The following DRC11 variants were observed in gnomAD, a reference collection of about 807,000 sequenced individuals.
The protein encoded by DRC11 is IQ and AAA domain-containing protein 1.
the DRC11 span, among the ~76,000 whole-genome samples, chr2:236,447,903 G>A: frequency 2.0e-5 from 3 of 152,046 alleles, 1 homozygote; most frequent in South Asian, 6.2e-4. This position sits in a 1 kb window ranked among gnomAD's most constrained non-coding sequence, Gnocchi z 4.6. Context: ...GGGGAGGGTG[G>A]ATTCAGGAAT....
chr2:236,421,178 A>C, the DRC11 span, among the ~76,000 whole-genome samples: 1 of 152,232 alleles, frequency 6.6e-6, no homozygotes, highest in African/African-American at 2.4e-5. Context: ...ACACATTCAA[A>C]AGCTAGCAGC....
the DRC11 span, among the ~76,000 whole-genome samples, chr2:236,377,417 G>C: frequency 1.3e-5 from 2 of 152,114 alleles, no homozygotes; most frequent in Non-Finnish European, 2.9e-5. The surrounding 1 kb of genome is among the most constrained non-coding windows in gnomAD (Gnocchi z 4.9). Flanking sequence ...CCATTAATAA[G>C]AACGATATCT....
At chr2:236,331,514 C>T in the DRC11 span, 8 of 1,613,806 alleles carry the variant, frequency 5.0e-6, no homozygotes, top group South Asian at 3.3e-5. The surrounding 1 kb of genome is among the most constrained non-coding windows in gnomAD (Gnocchi z 4.8). Context: ...TGGGTGAAGC[C>T]GTCAGTGACC....
the DRC11 span, chr2:236,338,177 T>C: frequency 1.2e-6 from 2 of 1,605,070 alleles, no homozygotes; most frequent in African/African-American, 1.3e-5. Context: ...TCAGCTATCA[T>C]GCATGGGAAG....
At chr2:236,342,621 C>T in the DRC11 span, among the ~76,000 whole-genome samples, 295 of 152,280 alleles carry the variant, frequency 1.9e-3, no homozygotes, top group African/African-American at 6.9e-3. The surrounding 1 kb of genome is among the most constrained non-coding windows in gnomAD (Gnocchi z 5.8). Flanking sequence ...CGGTGCAGGC[C>T]GAGTGGAGCT....
At chr2:236,321,272 TTAAA>T in the DRC11 span, among the ~76,000 whole-genome samples, 8 of 152,162 alleles carry the variant, frequency 5.3e-5, no homozygotes, top group Non-Finnish European at 1.2e-4. Flanking sequence ...AGTGGACTGA[TTAAA>T]TAAATAATGG....
At chr2:236,484,868 C>T in the DRC11 span, among the ~76,000 whole-genome samples, 2 of 152,214 alleles carry the variant, frequency 1.3e-5, no homozygotes, top group African/African-American at 2.4e-5. Flanking sequence ...TTCTCAGCCC[C>T]CATTCCTTGG....
chr2:236,482,564 T>A, the DRC11 span, among the ~76,000 whole-genome samples: 1 of 152,204 alleles, frequency 6.6e-6, no homozygotes, highest in Admixed American at 6.5e-5. This position sits in a 1 kb window ranked among gnomAD's most constrained non-coding sequence, Gnocchi z 4.5. Context: ...ACTTTTAATA[T>A]TTTGCTAATA....
chr2:236,497,334 G>T, the DRC11 span: 3 of 1,613,914 alleles, frequency 1.9e-6, no homozygotes, highest in Non-Finnish European at 1.7e-6. The surrounding 1 kb of genome is among the most constrained non-coding windows in gnomAD (Gnocchi z 5.1). Flanking sequence ...CATTCTCTAG[G>T]TTTCTAAAGA....
chr2:236,446,795 C>T, the DRC11 span, among the ~76,000 whole-genome samples: 2 of 152,236 alleles, frequency 1.3e-5, no homozygotes, highest in Non-Finnish European at 2.9e-5. This position sits in a 1 kb window ranked among gnomAD's most constrained non-coding sequence, Gnocchi z 6.2. Flanking sequence ...CTCCTCAGGC[C>T]TCAGGCACTG....
At chr2:236,500,429 A>G in the DRC11 span, among the ~76,000 whole-genome samples, 1 of 152,236 alleles carries the variant, frequency 6.6e-6, no homozygotes, top group East Asian at 1.9e-4. The surrounding 1 kb of genome is among the most constrained non-coding windows in gnomAD (Gnocchi z 6.3). Flanking sequence ...TTACATCACA[A>G]GCAAACAGAC....
At chr2:236,431,509 C>G in the DRC11 span, among the ~76,000 whole-genome samples, 12 of 152,188 alleles carry the variant, frequency 7.9e-5, no homozygotes, top group African/African-American at 2.9e-4. The surrounding 1 kb of genome is among the most constrained non-coding windows in gnomAD (Gnocchi z 4.2). Context: ...CCTAACAGGT[C>G]CATCCCACAA....
chr2:236,410,272 T>G, the DRC11 span, among the ~76,000 whole-genome samples: 1 of 151,876 alleles, frequency 6.6e-6, no homozygotes, highest in Non-Finnish European at 1.5e-5. Flanking sequence ...TATTGATTAT[T>G]GCCACAATTT....
At chr2:236,398,992 A>ATTT in the DRC11 span, among the ~76,000 whole-genome samples, 1 of 144,514 alleles carries the variant, frequency 6.9e-6, no homozygotes. This position sits in a 1 kb window ranked among gnomAD's most constrained non-coding sequence, Gnocchi z 6.2. Context: ...ACCAAAAGGA[A>ATTT]TTTTTTTTTT....
the DRC11 span, among the ~76,000 whole-genome samples, chr2:236,476,499 C>A: frequency 1.6e-4 from 25 of 152,250 alleles, no homozygotes; most frequent in East Asian, 4.8e-3. This position sits in a 1 kb window ranked among gnomAD's most constrained non-coding sequence, Gnocchi z 4.7. Context: ...AAGATCACAT[C>A]ATCTGCAAAA....
At chr2:236,488,004 T>C in the DRC11 span, 4 of 1,578,694 alleles carry the variant, frequency 2.5e-6, no homozygotes, top group Non-Finnish European at 2.6e-6. Context: ...TTGCACCTTC[T>C]GAATGCGGAG....
the DRC11 span, among the ~76,000 whole-genome samples, chr2:236,353,124 G>A: frequency 7.2e-5 from 11 of 152,198 alleles, no homozygotes; most frequent in African/African-American, 2.7e-4. The surrounding 1 kb of genome is among the most constrained non-coding windows in gnomAD (Gnocchi z 5.0). Flanking sequence ...ATTTAGCTAT[G>A]AAAAGGCTTC....
chr2:236,350,642 G>GAGGCA, the DRC11 span, among the ~76,000 whole-genome samples: 1 of 152,226 alleles, frequency 6.6e-6, no homozygotes, highest in African/African-American at 2.4e-5. The surrounding 1 kb of genome is among the most constrained non-coding windows in gnomAD (Gnocchi z 5.2). Flanking sequence ...GGTGGGAGCG[G>GAGGCA]GACCTGGGTC....
chr2:236,503,646 C>T, the DRC11 span: 2 of 1,550,960 alleles, frequency 1.3e-6, no homozygotes, highest in Non-Finnish European at 1.7e-6. The surrounding 1 kb of genome is among the most constrained non-coding windows in gnomAD (Gnocchi z 4.9). Flanking sequence ...TTCCTCAGCG[C>T]TGAGAGACGG....
Sources: allele counts gnomAD v4.1 joint callset (sites outside exome capture counted in the v4.1 genomes callset), GRCh38; gene constraint gnomAD v4.1.1; non-coding constraint Gnocchi (gnomAD v3.1); transcripts MANE v1.5; gene names NCBI Gene and HGNC (gene_info 2026-07-23, HGNC 2026-07-21).